Variants in SLC5A10 observed in about 807,000 individuals in gnomAD.
SLC5A10 encodes solute carrier family 5 member 10, also known as sodium/mannose cotransporter SLC5A10.
In SLC5A10, 55 loss-of-function variants were observed where a neutral mutation model predicts 68.9. The ratio of observed to expected loss-of-function variants is 0.80; its 90% confidence interval spans 0.64 to 1.00. The LOEUF (loss-of-function observed/expected upper bound fraction) is 1.00, where lower values mean the gene tolerates loss of function less well. SLC5A10 is among the 50% of genes least tolerant of loss of function. SLC5A10 has a pLI of 0.00. For synonymous variants in SLC5A10, 344 were observed against 344.8 expected, an observed-to-expected ratio of 1.00 and a Z score of 0.02; for missense variants, 732 against 819.3, an observed-to-expected ratio of 0.89 and a Z score of 1.30.
intron 1 of SLC5A10, among the ~76,000 whole-genome samples, chr17:18,955,396 C>A (rs2042478082): frequency 6.6e-6 from 1 of 152,216 alleles, no homozygotes; most frequent in African/African-American, 2.4e-5. Flanking sequence ...GCACCTGCTT[C>A]ATAGAGCTGT....
At chr17:19,006,813 A>T (rs374959234) in intron 9 of SLC5A10, among the ~76,000 whole-genome samples, 2 of 152,074 alleles carry the variant, frequency 1.3e-5, no homozygotes, top group East Asian at 3.8e-4. Context: ...CTTTTTTCCC[A>T]CTTAGCATAA....
At position 19,003,104 on chromosome 17, in the gene SLC5A10, C is replaced by G. The variant is rs1476342336; in HGVS notation, c.983-10306C>G. ...CTTGGACCATGCCTATTCCCTCACC[C>G]CACAACAAAAGCTCTCCCCACCAGA... On this transcript the variant is annotated intron_variant, in intron 9 of 14. Coordinates refer to ENST00000395645, the MANE Select transcript of SLC5A10 (RefSeq NM_001042450.4). This position sits in a 1 kb window ranked among gnomAD's most constrained non-coding sequence, Gnocchi z 4.5. 3.9e-5 allele frequency among the ~76,000 whole-genome samples: 6 copies of G among 152,032 alleles called. No individual in the cohort carries two copies. Among genetic ancestry groups the G allele is most frequent in the Non-Finnish European group, 8.8e-5 (6 of 67,996 alleles).
Position 18,969,675 on chromosome 17 carries a change from C to T in SLC5A10, c.640+253C>T, listed in dbSNP as rs2042790148. Reference sequence around the variant, plus strand: ...AGCTCTGGCCCTGGCAAGGAGCTGACTCAGGAACTCAGGGCCAGCCACACC... The same window carrying T: ...AGCTCTGGCCCTGGCAAGGAGCTGATTCAGGAACTCAGGGCCAGCCACACC... On this transcript the variant is annotated intron_variant, in intron 7 of 14. Transcript: ENST00000395645. 6.8e-6 allele frequency: 3 copies of T among 439,790 alleles called. No individual in the cohort carries two copies. In the South Asian group the frequency reaches 1.6e-4, roughly 24 times the overall value. The allele number at this position is 439,790 out of a possible 1,614,324, so 27.2% of individuals were successfully genotyped here.
In SLC5A10 at chr17:18,969,066, G is replaced by T. The variant is rs564052153; in HGVS notation, c.468G>T (p.Ala156=). The T allele has an allele frequency of 1.9e-6, 3 of 1,613,630 alleles. No homozygotes were observed. Among genetic ancestry groups the T allele is most frequent in the Non-Finnish European group, 2.5e-6 (3 of 1,179,822 alleles). The part of the protein sequence containing the change: ...VFTKISLDLY[A]GALFVHICLG... ...TCCCTCCGCAGCTGGACCTGTACGC[G>T]GGGGCTCTGTTTGTGCACATCTGCC... Residue 156 remains alanine, a synonymous_variant, in exon 6 of 15, where the codon GCG becomes GCT. Coordinates refer to ENST00000395645, the MANE Select transcript of SLC5A10 (RefSeq NM_001042450.4).
At position 18,993,151 on chromosome 17, in the gene SLC5A10, C is replaced by A. The variant is rs115006863; in HGVS notation, c.982+16162C>A. On this transcript the variant is annotated intron_variant, in intron 9 of 14. Transcript: ENST00000395645. ...CTGCAGCAGCACCTCTTCAGGGGGG[C>A]CCTAAACCAACGCATCCTGACCCCT... is the stretch of plus-strand genomic sequence containing the variant. 6.6e-3 allele frequency among the ~76,000 whole-genome samples: 1,008 copies of A among 152,270 alleles called. 14 individuals are homozygous for A. Among genetic ancestry groups the A allele is most frequent in the African/African-American group, 0.023 (959 of 41,536 alleles).
At chr17:19,006,754 A>G (rs1466647212) in intron 9 of SLC5A10, among the ~76,000 whole-genome samples, 1 of 152,218 alleles carries the variant, frequency 6.6e-6, no homozygotes, top group African/African-American at 2.4e-5. Flanking sequence ...TGCTGTTTCA[A>G]GAATGCTATA....
intron 9 of SLC5A10, among the ~76,000 whole-genome samples, chr17:19,010,983 C>T (rs188276968): frequency 6.6e-6 from 1 of 152,184 alleles, no homozygotes; most frequent in African/African-American, 2.4e-5. Flanking sequence ...TCCTCCTGTG[C>T]CTTTCCTCCC....
intron 11 of SLC5A10, 81 bp from the exon 12 acceptor site, chr17:19,019,342 A>C (rs886386366): frequency 3.3e-6 from 5 of 1,506,306 alleles, no homozygotes; most frequent in Non-Finnish European, 3.6e-6. Flanking sequence ...ATTAGAGAGC[A>C]AGTCTTAGTG....
intron 9 of SLC5A10, among the ~76,000 whole-genome samples, chr17:18,984,552 CT>C (rs1480011108): frequency 6.6e-6 from 1 of 152,230 alleles, no homozygotes; most frequent in African/African-American, 2.4e-5. Context: ...CCAGCTGATG[CT>C]TCTTTGTTCA....
chr17:18,958,555 G>A, intron 1 of SLC5A10, 127 bp from the exon 2 acceptor site: 1 of 693,460 alleles, frequency 1.4e-6, no homozygotes, highest in Non-Finnish European at 2.5e-6. Context: ...ATACCTAGGA[G>A]TGGAACTTCT....
At chr17:18,954,460 T>C (rs1411419640) in intron 1 of SLC5A10, among the ~76,000 whole-genome samples, 1 of 152,192 alleles carries the variant, frequency 6.6e-6, no homozygotes, top group Non-Finnish European at 1.5e-5. Context: ...AGTTCTGCCC[T>C]GTCCCTCCTA....
chr17:19,017,679 C>T lies in SLC5A10; in HGVS notation c.1242-1744C>T, dbSNP rs1195049987. 7.5e-6 allele frequency: 3 copies of T among 397,688 alleles called. No homozygotes were observed. The highest frequency in any genetic ancestry group is 4.1e-5 in the African/African-American group (2 of 48,808). 24.6% of individuals were successfully genotyped at this position (397,688 alleles called of 1,614,324 possible). A position where few individuals can be genotyped will look rare whatever the true frequency, so the allele number is the denominator to read the frequency against. The stretch of plus-strand genomic sequence containing the variant: ...TGCCCCACTCTCCCCTGTCTGTGTT[C>T]CCGGCTGTTCAGTCCGTAAATGGGG... On this transcript the variant is annotated intron_variant, in intron 11 of 14. Transcript: ENST00000395645. The surrounding 1 kb of genome is among the most constrained non-coding windows in gnomAD (Gnocchi z 5.6).
At chr17:18,981,960 G>A (rs1237625889) in intron 9 of SLC5A10, among the ~76,000 whole-genome samples, 7 of 152,300 alleles carry the variant, frequency 4.6e-5, no homozygotes, top group African/African-American at 1.2e-4. Flanking sequence ...CAGCTCCACC[G>A]CCTCCTGCAG....
chr17:18,959,094 A>G lies in SLC5A10; in HGVS notation c.184-41A>G, dbSNP rs1360363045. The G allele has an allele frequency of 2.5e-6, 4 of 1,584,334 alleles. No homozygotes were observed. In the African/African-American group the frequency reaches 5.4e-5, roughly 21 times the overall value. ...ATTAGGCCCAGGATGGGGCCGGCGC[A>G]GGGAGCCTGCTGCTGATGCGTTTCC... On this transcript the variant is annotated intron_variant, in intron 2 of 14. Transcript: ENST00000395645.
At chr17:19,006,715 C>T (rs970259297) in intron 9 of SLC5A10, among the ~76,000 whole-genome samples, 1 of 152,210 alleles carries the variant, frequency 6.6e-6, no homozygotes, top group Admixed American at 6.5e-5. Context: ...TTCTGGCAAC[C>T]ACTAATCTAT....
intron 11 of SLC5A10, chr17:19,019,067 T>C (rs997267991): frequency 8.4e-6 from 2 of 238,052 alleles, no homozygotes; most frequent in Admixed American, 5.2e-5. Flanking sequence ...AGTAAACAAG[T>C]AGACACCCAG....
Position 19,000,473 on chromosome 17 carries a change from A to G in SLC5A10, c.983-12937A>G, listed in dbSNP as rs1026645209. On this transcript the variant is annotated intron_variant, in intron 9 of 14. Coordinates refer to ENST00000395645, the MANE Select transcript of SLC5A10 (RefSeq NM_001042450.4). This position sits in a 1 kb window ranked among gnomAD's most constrained non-coding sequence, Gnocchi z 5.2. Reference sequence around the variant, plus strand: ...TTGGCTCCTGGTCCTGCTGTCCACTAGTTCCATTCTAGTCATTTGGGAACA... The same window carrying G: ...TTGGCTCCTGGTCCTGCTGTCCACTGGTTCCATTCTAGTCATTTGGGAACA... 3.3e-5 allele frequency among the ~76,000 whole-genome samples: 5 copies of G among 152,146 alleles called. No homozygotes were observed. The highest frequency in any genetic ancestry group is 1.2e-4 in the African/African-American group (5 of 41,434).
rs1379329238 is a variant in SLC5A10 at position 18,968,598 on chromosome 17, CCT to C, written c.454-451_454-450del. On this transcript the variant is annotated intron_variant, in intron 5 of 14. Transcript: ENST00000395645. This position sits in a 1 kb window ranked among gnomAD's most constrained non-coding sequence, Gnocchi z 4.1. The stretch of plus-strand genomic sequence containing the variant: ...GGTGGGGGCAGGAAGCAAGGCTGCC[CCT>C]CTGTTTCCTGGTCCGCCCAGCACAC... Among the ~76,000 whole-genome samples, 2 of 152,164 alleles carry C rather than the reference CCT, an allele frequency of 1.3e-5. No homozygotes were observed. Among genetic ancestry groups the C allele is most frequent in the Non-Finnish European group, 2.9e-5 (2 of 68,040 alleles).
intron 5 of SLC5A10, among the ~76,000 whole-genome samples, chr17:18,967,113 C>T (rs1000254136): frequency 1.7e-4 from 26 of 152,298 alleles, no homozygotes; most frequent in African/African-American, 6.0e-4. Context: ...CAGGAAGGGT[C>T]GGATAGGGCT....
Sources: gnomAD v4.1 joint callset for allele counts (sites outside exome capture counted in the v4.1 genomes callset) on GRCh38, gnomAD v4.1.1 for gene constraint, Gnocchi (gnomAD v3.1) non-coding constraint, MANE v1.5 for transcripts, NCBI Gene and HGNC (gene_info 2026-07-23, HGNC 2026-07-21) for gene names.